The following MYO3B variants were observed in gnomAD, a reference collection of about 807,000 sequenced individuals.
MYO3B encodes myosin IIIB.
In MYO3B, 156 loss-of-function variants were observed where a neutral mutation model predicts 174.6. That is an observed-to-expected ratio of 0.89 (90% CI 0.78 to 1.02). The LOEUF is 1.02. Ranked by LOEUF, MYO3B falls within the 50% of genes least tolerant of loss-of-function variation. The probability of loss-of-function intolerance (pLI) is 0.00; values close to 1 mark genes in which losing one functional copy is unlikely to be tolerated. For missense variants in MYO3B, 1,632 were observed against 1,639.4 expected (o/e 1.00, Z 0.08); for synonymous variants, 563 against 569.1 (o/e 0.99, Z 0.15).
chr2:170,281,960 A>T (rs1352808300), intron 7 of MYO3B, among the ~76,000 whole-genome samples: 1 of 152,176 alleles, frequency 6.6e-6, no homozygotes, highest in East Asian at 1.9e-4. Flanking sequence ...TTTTTAATGG[A>T]ATTTTTTGTT....
At chr2:170,640,285 A>G (rs1241009782) in intron 32 of MYO3B, 1 of 152,194 alleles carries the variant, frequency 6.6e-6, no homozygotes, top group Non-Finnish European at 1.5e-5. Context: ...GTGGAGAACC[A>G]CTCCAGTATA....
chr2:170,600,389 G>A (rs535687886), intron 32 of MYO3B, among the ~76,000 whole-genome samples: 2 of 152,200 alleles, frequency 1.3e-5, no homozygotes, highest in East Asian at 3.9e-4. Flanking sequence ...GCAGATAAAC[G>A]TGACTAATGA....
chr2:170,288,620 G>A (rs1324991139), intron 7 of MYO3B, among the ~76,000 whole-genome samples: 1 of 151,828 alleles, frequency 6.6e-6, no homozygotes, highest in African/African-American at 2.4e-5. Flanking sequence ...TTTTTTTGGT[G>A]GAATCTTTAG....
chr2:170,299,145 A>G (rs1292234619), intron 7 of MYO3B, among the ~76,000 whole-genome samples: 1 of 152,182 alleles, frequency 6.6e-6, no homozygotes, highest in African/African-American at 2.4e-5. Flanking sequence ...TTGGAACAAC[A>G]CTACTATTTT....
At position 170,206,488 on chromosome 2, in the gene MYO3B, A is replaced by G. The variant is rs758496367; in HGVS notation, c.321+6204A>G. Among the ~76,000 whole-genome samples, 102 of 152,222 alleles carry G rather than the reference A, an allele frequency of 6.7e-4. No homozygotes were observed. Among genetic ancestry groups the G allele is most frequent in the Non-Finnish European group, 1.3e-3 (87 of 68,038 alleles). On this transcript the variant is annotated intron_variant, in intron 3 of 34. Coordinates refer to ENST00000408978, the MANE Select transcript of MYO3B (RefSeq NM_138995.5). The surrounding 1 kb of genome is among the most constrained non-coding windows in gnomAD (Gnocchi z 4.3). ...GTAATAAACCAGACAGTCATAAACTATTGATAACAAAGAGGTGCCTTTCTT... is the reference window on the plus strand; with the variant it reads ...GTAATAAACCAGACAGTCATAAACTGTTGATAACAAAGAGGTGCCTTTCTT...
intron 22 of MYO3B, among the ~76,000 whole-genome samples, chr2:170,430,010 GT>G (rs67405522): frequency 0.16 from 22,291 of 142,070 alleles, 1,959 homozygotes; most frequent in African/African-American, 0.28. Flanking sequence ...TTATACACAG[GT>G]TTTTTTTTTT....
rs371987540 is a variant in MYO3B, at chr2:170,447,736, A to G, written c.2730+3690A>G. ...GTAATTCACACAATGCTGGCTGCGC[A>G]GGAGACCAGAGTTTTATTATTACTC... On this transcript the variant is annotated intron_variant, in intron 23 of 34. Transcript: ENST00000408978. Among the ~76,000 whole-genome samples, 3 of 152,256 alleles carry G rather than the reference A, an allele frequency of 2.0e-5. No individual in the cohort carries two copies. In the East Asian group the frequency reaches 5.8e-4, roughly 29 times the overall value.
intron 1 of MYO3B, among the ~76,000 whole-genome samples, chr2:170,192,648 A>AC (rs1352509174): frequency 6.6e-6 from 1 of 151,206 alleles, no homozygotes; most frequent in Non-Finnish European, 1.5e-5. Flanking sequence ...ATTAAAAAAA[A>AC]TTTCTTTTTA....
chr2:170,426,143 G>T (rs2094658851), intron 22 of MYO3B, among the ~76,000 whole-genome samples: 1 of 147,942 alleles, frequency 6.8e-6, no homozygotes, highest in African/African-American at 2.5e-5. Context: ...CTTTTGCTCT[G>T]TCTTTTGTTG....
At chr2:170,390,130 A>C (rs544614141) in intron 14 of MYO3B, among the ~76,000 whole-genome samples, 33 of 152,308 alleles carry the variant, frequency 2.2e-4, no homozygotes, top group Middle Eastern at 6.8e-3. Context: ...TACACAATAA[A>C]ATTTATTTTT....
chr2:170,490,470 A>G (rs1411304765), intron 25 of MYO3B, among the ~76,000 whole-genome samples: 1 of 152,116 alleles, frequency 6.6e-6, no homozygotes, highest in Admixed American at 6.6e-5. Flanking sequence ...TTCTATTCAA[A>G]TAATTGTGTC....
At chr2:170,525,394 A>G (rs1688935208) in intron 30 of MYO3B, among the ~76,000 whole-genome samples, 1 of 152,216 alleles carries the variant, frequency 6.6e-6, no homozygotes, top group Non-Finnish European at 1.5e-5. Context: ...GATAAATACA[A>G]TGGTGAGGAT....
At chr2:170,445,600 C>G (rs2105916268) in intron 23 of MYO3B, among the ~76,000 whole-genome samples, 1 of 152,072 alleles carries the variant, frequency 6.6e-6, no homozygotes, top group South Asian at 2.1e-4. Flanking sequence ...CTGGGCCTCC[C>G]CAAGTGCTGG....
chr2:170,543,797 G>A (rs1690283562), intron 31 of MYO3B, 95 bp from the exon 32 acceptor site: 3 of 941,712 alleles, frequency 3.2e-6, no homozygotes, highest in Non-Finnish European at 4.9e-6. Flanking sequence ...CTTTTAGTCA[G>A]GTTTAAGTGC....
intron 26 of MYO3B, 117 bp downstream of exon 26, chr2:170,498,820 T>G: frequency 1.6e-6 from 1 of 639,212 alleles, no homozygotes; most frequent in Non-Finnish European, 2.8e-6. Context: ...GACTCCAACG[T>G]AACAATGGTC....
intron 7 of MYO3B, among the ~76,000 whole-genome samples, chr2:170,241,202 T>C (rs1279504925): frequency 6.6e-6 from 1 of 152,086 alleles, no homozygotes; most frequent in East Asian, 1.9e-4. Flanking sequence ...GCATGCTAAG[T>C]TGGAACACAC....
intron 32 of MYO3B, among the ~76,000 whole-genome samples, chr2:170,601,159 A>G (rs1694484851): frequency 7.5e-6 from 1 of 133,944 alleles, no homozygotes; most frequent in Admixed American, 6.8e-5. Context: ...AACAATACTA[A>G]TAAAAAAATT....
chr2:170,480,558 G>T (rs1685625947), intron 25 of MYO3B, among the ~76,000 whole-genome samples: 1 of 152,136 alleles, frequency 6.6e-6, no homozygotes, highest in Non-Finnish European at 1.5e-5. Context: ...ACTCAAAGAG[G>T]GTGTCATGGG....
intron 32 of MYO3B, among the ~76,000 whole-genome samples, chr2:170,607,336 C>CT (rs1294809460): frequency 6.6e-6 from 1 of 152,244 alleles, no homozygotes; most frequent in Non-Finnish European, 1.5e-5. Context: ...ACAAAGGTTT[C>CT]TTTCGCATTT....
Sources: gnomAD v4.1 joint callset for allele counts (sites outside exome capture counted in the v4.1 genomes callset) on GRCh38, gnomAD v4.1.1 for gene constraint, Gnocchi (gnomAD v3.1) non-coding constraint, MANE v1.5 for transcripts, NCBI Gene and HGNC (gene_info 2026-07-23, HGNC 2026-07-21) for gene names.